The following GPHN variants were observed in gnomAD, a reference collection of about 807,000 sequenced individuals.
GPHN encodes gephyrin.
Under a neutral mutation model 95.5 loss-of-function variants are expected in GPHN, and 17 were observed. The ratio of observed to expected loss-of-function variants is 0.18; its 90% confidence interval spans 0.12 to 0.27. GPHN has a LOEUF of 0.27. Among genes scored for constraint, GPHN ranks in the 10% least tolerant of loss-of-function variants. The pLI, the probability that GPHN is intolerant of heterozygous loss-of-function variation, is 1.00. For synonymous variants in GPHN, 320 were observed against 322.5 expected (o/e 0.99, Z 0.08); for missense variants, 660 against 978.1 (o/e 0.67, Z 4.34).
At chr14:67,299,892 TCA>T in the GPHN span, among the ~76,000 whole-genome samples, 1 of 152,234 alleles carries the variant, frequency 6.6e-6, no homozygotes, top group Non-Finnish European at 1.5e-5. Flanking sequence ...CTTCCCATCC[TCA>T]GAGTTTCTTC....
chr14:67,574,378 C>T, the GPHN span: 1 of 1,586,802 alleles, frequency 6.3e-7, no homozygotes, highest in South Asian at 1.2e-5. The surrounding 1 kb of genome is among the most constrained non-coding windows in gnomAD (Gnocchi z 4.2). Flanking sequence ...GGCACCAAGC[C>T]CACCGTGAAG....
the GPHN span, among the ~76,000 whole-genome samples, chr14:67,494,334 A>G: frequency 6.6e-6 from 1 of 152,246 alleles, no homozygotes; most frequent in Non-Finnish European, 1.5e-5. Flanking sequence ...AGCCTGAGAA[A>G]GGCCGAGAAG....
chr14:67,272,821 G>C, the GPHN span, among the ~76,000 whole-genome samples: 1 of 152,098 alleles, frequency 6.6e-6, no homozygotes, highest in African/African-American at 2.4e-5. Flanking sequence ...ACCATGGCTG[G>C]ATAATTTTTA....
At chr14:67,473,272 G>A in the GPHN span, 29 of 1,108,596 alleles carry the variant, frequency 2.6e-5, no homozygotes, top group African/African-American at 1.9e-4. The surrounding 1 kb of genome is among the most constrained non-coding windows in gnomAD (Gnocchi z 6.5). Context: ...ACCGGCCCCC[G>A]CGGACGTTAG....
the GPHN span, chr14:67,648,295 G>C: frequency 2.3e-6 from 3 of 1,280,474 alleles, no homozygotes; most frequent in Non-Finnish European, 3.2e-6. Context: ...GTTTGTTTTT[G>C]CTTAAACTTT....
chr14:67,097,321 A>C (rs1277623491), intron 12 of GPHN, among the ~76,000 whole-genome samples: 1 of 152,228 alleles, frequency 6.6e-6, no homozygotes, highest in Non-Finnish European at 1.5e-5. Flanking sequence ...CGCTTTAAGT[A>C]GTGGAAGTAG....
At chr14:67,549,705 C>T in the GPHN span, among the ~76,000 whole-genome samples, 2 of 152,218 alleles carry the variant, frequency 1.3e-5, no homozygotes, top group Non-Finnish European at 2.9e-5. Context: ...GATGGGGCTA[C>T]GGCTCCAGGC....
intron 16 of GPHN, among the ~76,000 whole-genome samples, chr14:67,116,579 C>T (rs557053530): frequency 4.8e-4 from 73 of 152,174 alleles, no homozygotes; most frequent in African/African-American, 1.6e-3. Context: ...GAAAGAGTCT[C>T]GCCATTTTGC....
chr14:66,948,211 T>G (rs1351410339), intron 8 of GPHN, among the ~76,000 whole-genome samples: 2 of 152,160 alleles, frequency 1.3e-5, no homozygotes, highest in East Asian at 3.9e-4. Context: ...TAAGGATGGA[T>G]TACTACCATT....
At chr14:67,600,259 T>G in the GPHN span, 3 of 1,418,454 alleles carry the variant, frequency 2.1e-6, no homozygotes, top group Non-Finnish European at 2.8e-6. Context: ...TCGCCGGCCC[T>G]GGCCGTCTCG....
chr14:67,646,608 T>A, the GPHN span: 1 of 1,511,168 alleles, frequency 6.6e-7, no homozygotes, highest in African/African-American at 1.4e-5. Context: ...AGAACAAGAA[T>A]TCTTGATTAA....
At chr14:66,709,993 G>C (rs1383787681) in intron 2 of GPHN, among the ~76,000 whole-genome samples, 1 of 151,972 alleles carries the variant, frequency 6.6e-6, no homozygotes, top group Non-Finnish European at 1.5e-5. Flanking sequence ...GTTATATGAA[G>C]GGAAGTAATG....
At chr14:67,445,977 G>A in the GPHN span, 1 of 484,552 alleles carries the variant, frequency 2.1e-6, no homozygotes, top group South Asian at 1.5e-5. Flanking sequence ...TAGCCTGTAA[G>A]AAACAGTTCA....
the GPHN span, among the ~76,000 whole-genome samples, chr14:67,505,631 C>T: frequency 6.6e-6 from 1 of 151,868 alleles, no homozygotes; most frequent in South Asian, 2.1e-4. Context: ...AGGACCTTAG[C>T]TGAAAGAGGC....
chr14:67,648,231 G>C, the GPHN span: 7 of 1,565,000 alleles, frequency 4.5e-6, no homozygotes, highest in East Asian at 1.4e-4. Context: ...AGGTAAATAT[G>C]CTAGAGTCTC....
chr14:67,728,664 T>C, the GPHN span, among the ~76,000 whole-genome samples: 1 of 149,642 alleles, frequency 6.7e-6, no homozygotes, highest in Non-Finnish European at 1.5e-5. Flanking sequence ...TGGCACATAA[T>C]TGGTACTGAA....
intron 9 of GPHN, chr14:66,996,083 G>A: frequency 1.3e-6 from 1 of 775,548 alleles, no homozygotes; most frequent in Non-Finnish European, 2.2e-6. Context: ...CTGGCCAAGT[G>A]TGTTGGTGAT....
chr14:67,611,253 C>T, the GPHN span: 1 of 146,082 alleles, frequency 6.8e-6, no homozygotes, highest in Non-Finnish European at 1.5e-5. Flanking sequence ...CCCTCCCTCT[C>T]TCTCTCTTTC....
the GPHN span, among the ~76,000 whole-genome samples, chr14:67,701,425 C>CTTTTTTTTTTT: frequency 7.0e-5 from 5 of 71,126 alleles, no homozygotes; most frequent in Non-Finnish European, 1.1e-4. Context: ...ATTATAATTT[C>CTTTTTTTTTTT]TTTTTTTTTT....
Sources: allele counts gnomAD v4.1 joint callset (sites outside exome capture counted in the v4.1 genomes callset), GRCh38; gene constraint gnomAD v4.1.1; non-coding constraint Gnocchi (gnomAD v3.1); transcripts MANE v1.5; gene names NCBI Gene and HGNC (gene_info 2026-07-23, HGNC 2026-07-21).